CLVS1: variants seen among roughly 807,000 people sequenced by gnomAD.
The protein encoded by CLVS1 is clavesin 1.
In CLVS1, 10 loss-of-function variants were observed where a neutral mutation model predicts 33.1. That is an observed-to-expected ratio of 0.30 (90% CI 0.19 to 0.51). The LOEUF (loss-of-function observed/expected upper bound fraction) is 0.51, where lower values mean the gene tolerates loss of function less well. CLVS1 is among the 20% of genes least tolerant of loss of function. CLVS1 has a pLI of 0.97. For missense variants in CLVS1, 343 were observed against 433.4 expected (o/e 0.79, Z 1.85); for synonymous variants, 163 against 166.1 (o/e 0.98, Z 0.14).
intron 1 of CLVS1, among the ~76,000 whole-genome samples, chr8:61,069,773 T>G (rs1410490462): frequency 1.3e-5 from 2 of 152,132 alleles, no homozygotes; most frequent in African/African-American, 4.8e-5. Flanking sequence ...TTCCTTTTTT[T>G]CTTTCTTTTT....
intron 5 of CLVS1, among the ~76,000 whole-genome samples, chr8:61,463,692 T>C (rs1586010553): frequency 6.6e-6 from 1 of 152,250 alleles, no homozygotes; most frequent in Non-Finnish European, 1.5e-5. Context: ...TAGGAGCACA[T>C]TTCACGGTAC....
the CLVS1 span, chr8:60,967,507 T>C: frequency 2.7e-5 from 10 of 364,366 alleles, no homozygotes; most frequent in African/African-American, 1.1e-4. Flanking sequence ...ACGAGTGCAG[T>C]AGCCAGACCC....
At chr8:61,090,798 T>C in intron 1 of CLVS1, 1 of 493,762 alleles carries the variant, frequency 2.0e-6, no homozygotes, top group South Asian at 1.5e-5. Flanking sequence ...TCCTCTAGGA[T>C]GGATTATATG....
chr8:60,997,443 T>C, the CLVS1 span, among the ~76,000 whole-genome samples: 1 of 152,194 alleles, frequency 6.6e-6, no homozygotes, highest in African/African-American at 2.4e-5. Flanking sequence ...GCCAACTATA[T>C]ACATATTTAG....
At chr8:61,369,877 G>A (rs915418146) in intron 2 of CLVS1, among the ~76,000 whole-genome samples, 4 of 152,192 alleles carry the variant, frequency 2.6e-5, no homozygotes, top group African/African-American at 9.7e-5. Flanking sequence ...TGTACAGAAG[G>A]AGCACATTTG....
At chr8:61,090,948 G>A (rs1007014322) in intron 1 of CLVS1, 1 of 517,276 alleles carries the variant, frequency 1.9e-6, no homozygotes, top group South Asian at 1.4e-5. Context: ...AATCTTTAAG[G>A]ATCAGAGGGT....
At chr8:61,405,369 T>C (rs1585923693) in intron 3 of CLVS1, among the ~76,000 whole-genome samples, 1 of 152,148 alleles carries the variant, frequency 6.6e-6, no homozygotes, top group African/African-American at 2.4e-5. Flanking sequence ...CTAGTTCAGC[T>C]CCCAATTCAA....
chr8:60,982,064 G>A, the CLVS1 span, among the ~76,000 whole-genome samples: 2 of 152,210 alleles, frequency 1.3e-5, no homozygotes, highest in African/African-American at 4.8e-5. Context: ...CTGCTCCAAT[G>A]GCTGAACAGA....
intron 2 of CLVS1, among the ~76,000 whole-genome samples, chr8:61,167,566 A>G (rs1009144575): frequency 6.6e-6 from 1 of 152,210 alleles, no homozygotes; most frequent in African/African-American, 2.4e-5. Flanking sequence ...CTGTGAGGAA[A>G]CATCAGAGTT....
rs116003669 is a variant in CLVS1 at position 61,229,426 on chromosome 8, C to T, written c.-151-70251C>T. Among the ~76,000 whole-genome samples the T allele has an allele frequency of 7.4e-3, 1,132 of 152,268 alleles. 18 individuals are homozygous for T. Among genetic ancestry groups the T allele is most frequent in the African/African-American group, 0.026 (1,086 of 41,548 alleles). On this transcript the variant is annotated intron_variant, in intron 2 of 2. Coordinates refer to the CLVS1 transcript ENST00000522621. Reference sequence around the variant, plus strand: ...TAATTCCTGAATCCTATTGTTAGCCCCACTCTCTAGACAGCAAATTGGAGG... The same window carrying T: ...TAATTCCTGAATCCTATTGTTAGCCTCACTCTCTAGACAGCAAATTGGAGG...
At chr8:61,019,676 A>C in the CLVS1 span, among the ~76,000 whole-genome samples, 6 of 152,148 alleles carry the variant, frequency 3.9e-5, 1 homozygote, top group Admixed American at 3.9e-4. Flanking sequence ...GCTCCACTAA[A>C]GCAAATCTCC....
At chr8:61,213,856 A>G (rs187199809) in intron 2 of CLVS1, among the ~76,000 whole-genome samples, 1 of 152,350 alleles carries the variant, frequency 6.6e-6, no homozygotes, top group African/African-American at 2.4e-5. Flanking sequence ...GCCGGGTGGA[A>G]CAGAGCCATA....
intron 1 of CLVS1, among the ~76,000 whole-genome samples, chr8:61,111,425 T>C (rs2007873): frequency 0.72 from 109,168 of 152,094 alleles, 40,970 homozygotes; most frequent in East Asian, 0.97. Context: ...TGGTACAGGC[T>C]GACATGCTAA....
chr8:61,335,616 A>G (rs961618238), intron 2 of CLVS1, among the ~76,000 whole-genome samples: 5 of 152,236 alleles, frequency 3.3e-5, no homozygotes, highest in Non-Finnish European at 7.3e-5. Context: ...AATTTTCTTC[A>G]GAGTAGGAGT....
chr8:61,208,531 A>G (rs1050968837), intron 2 of CLVS1, among the ~76,000 whole-genome samples: 2 of 152,244 alleles, frequency 1.3e-5, no homozygotes, highest in Non-Finnish European at 2.9e-5. Flanking sequence ...GATTATAAAA[A>G]TTATCAGAAC....
At chr8:61,455,861 G>C (rs1563560729) in intron 4 of CLVS1, among the ~76,000 whole-genome samples, 1 of 152,216 alleles carries the variant, frequency 6.6e-6, no homozygotes. Context: ...CTAGATCTCA[G>C]ATGCTTCCAG....
intron 2 of CLVS1, among the ~76,000 whole-genome samples, chr8:61,355,358 C>T (rs924511040): frequency 2.6e-5 from 4 of 151,680 alleles, no homozygotes; most frequent in Non-Finnish European, 4.4e-5. Flanking sequence ...AAGAAACAAA[C>T]GAGAAAAACA....
rs1331084406 is a variant in CLVS1 at position 61,373,872 on chromosome 8, A to G, written c.456-2733A>G. Among the ~76,000 whole-genome samples the G allele has an allele frequency of 3.9e-5, 6 of 152,302 alleles. No homozygotes were observed. In the East Asian group the frequency reaches 1.2e-3, roughly 29 times the overall value. On this transcript the variant is annotated intron_variant, in intron 2 of 5. Coordinates refer to ENST00000325897, the MANE Select transcript of CLVS1 (RefSeq NM_173519.3). ...TTATCTAGGCTGGGTTCAACTAGGT[A>G]GCACTACTTCTAATGAAAACCTGCT...
At chr8:61,109,891 C>A (rs1805596457) in intron 1 of CLVS1, among the ~76,000 whole-genome samples, 1 of 152,156 alleles carries the variant, frequency 6.6e-6, no homozygotes, top group Non-Finnish European at 1.5e-5. Flanking sequence ...ACAGACAATC[C>A]CCACCAGCAA....
Sources: gnomAD v4.1 joint callset for allele counts (sites outside exome capture counted in the v4.1 genomes callset) on GRCh38, gnomAD v4.1.1 for gene constraint, MANE v1.5 for transcripts, NCBI Gene and HGNC (gene_info 2026-07-23, HGNC 2026-07-21) for gene names.